The following SOS2 variants were observed in gnomAD, a reference collection of about 807,000 sequenced individuals.
The protein encoded by SOS2 is SOS Ras/Rho guanine nucleotide exchange factor 2.
A neutral mutation model predicts 148.2 loss-of-function variants in SOS2; 65 were observed. The ratio of observed to expected loss-of-function variants is 0.44; its 90% CI spans 0.36 to 0.54. SOS2 has a LOEUF of 0.54. Among genes scored for constraint, SOS2 ranks in the 20% least tolerant of loss-of-function variants. The pLI, the probability that SOS2 is intolerant of heterozygous loss-of-function variation, is 0.00. For missense variants in SOS2, 1,341 were observed against 1,590.2 expected (o/e 0.84, Z 2.67); for synonymous variants, 539 against 537.1 (o/e 1.00, Z -0.05).
intron 4 of SOS2, among the ~76,000 whole-genome samples, chr14:50,190,484 T>C (rs1223930581): frequency 2.0e-5 from 3 of 152,220 alleles, no homozygotes; most frequent in African/African-American, 7.2e-5. Flanking sequence ...AAGCATCTTT[T>C]AAATCTGGTC....
intron 4 of SOS2, among the ~76,000 whole-genome samples, chr14:50,191,055 T>C (rs1175930758): frequency 1.3e-5 from 2 of 152,220 alleles, no homozygotes; most frequent in Admixed American, 6.5e-5. Flanking sequence ...CCCATTACTA[T>C]ATTAAAACTG....
At chr14:50,218,775 A>G (rs868541483) in intron 1 of SOS2, among the ~76,000 whole-genome samples, 1 of 152,192 alleles carries the variant, frequency 6.6e-6, no homozygotes, top group Non-Finnish European at 1.5e-5. Context: ...GCTGGTGGGA[A>G]TGTAAAACTA....
In SOS2 at chr14:50,150,243, C is replaced by A. The variant is rs566609381; in HGVS notation, c.2162-13G>T. Reference sequence around the variant, plus strand: ...TTCATAGCTTTCCCTGGAAAAAGAACACATAAAGAAAAATGTCTTTTACTT... The same window carrying A: ...TTCATAGCTTTCCCTGGAAAAAGAAAACATAAAGAAAAATGTCTTTTACTT... On this transcript the variant is annotated splice_polypyrimidine_tract_variant and intron_variant, in intron 13 of 22. Transcript: ENST00000216373. 6.6e-7 allele frequency: 1 copy of A among 1,513,170 alleles called. No individual in the cohort carries two copies. The highest frequency in any genetic ancestry group is 9.2e-7 in the Non-Finnish European group (1 of 1,089,328). The allele number at this position is 1,513,170 out of a possible 1,614,324, so 93.7% of individuals were successfully genotyped here.
At chr14:50,182,378 C>T in intron 6 of SOS2, 85 bp downstream of exon 6, 1 of 1,205,418 alleles carries the variant, frequency 8.3e-7, no homozygotes. Context: ...AACGGGGTCT[C>T]ACTATGTTGC....
At chr14:50,142,291 A>G (rs1594967678) in intron 16 of SOS2, among the ~76,000 whole-genome samples, 1 of 152,294 alleles carries the variant, frequency 6.6e-6, no homozygotes, top group East Asian at 1.9e-4. Context: ...TACAGGCATG[A>G]GCCACTGCCC....
intron 21 of SOS2, among the ~76,000 whole-genome samples, chr14:50,125,381 G>C (rs969661571): frequency 1.3e-5 from 2 of 152,214 alleles, no homozygotes; most frequent in Non-Finnish European, 2.9e-5. Context: ...CTGGCCTTCA[G>C]AACTGTGGGA....
chr14:50,145,640 G>A, intron 14 of SOS2, 44 bp from the exon 15 acceptor site: 1 of 1,277,518 alleles, frequency 7.8e-7, no homozygotes, highest in Non-Finnish European at 1.1e-6. Flanking sequence ...TAAAGGATTT[G>A]TATTACTTAA....
chr14:50,147,111 T>C (rs1884508604), intron 14 of SOS2, among the ~76,000 whole-genome samples: 1 of 151,440 alleles, frequency 6.6e-6, no homozygotes, highest in African/African-American at 2.4e-5. Flanking sequence ...GTGGGAAGAC[T>C]GCTTGAGCCT....
intron 1 of SOS2, among the ~76,000 whole-genome samples, chr14:50,218,296 G>A (rs1184288892): frequency 4.0e-5 from 6 of 150,142 alleles, no homozygotes; most frequent in Non-Finnish European, 8.9e-5. Flanking sequence ...GCCAAGGTGG[G>A]TGGATTCCTT....
chr14:50,186,817 A>G (rs1024578789), intron 5 of SOS2, among the ~76,000 whole-genome samples: 4 of 152,194 alleles, frequency 2.6e-5, no homozygotes, highest in African/African-American at 9.7e-5. Context: ...TATATCCAAA[A>G]GAAAAAAAGT....
Position 50,145,569 on chromosome 14 carries a change from C to T in SOS2, c.2412G>A (p.Gly804=), listed in dbSNP as rs1390959140. Residue 804 remains glycine (G), a synonymous_variant, in exon 15 of 23, where the codon GGG becomes GGA. Coordinates refer to ENST00000216373, the MANE Select transcript of SOS2 (RefSeq NM_006939.4). The stretch of plus-strand genomic sequence containing the variant: ...CTTTATCTTCTTTGGTCCACACACT[C>T]CCTACAAGTTCAGACGGTTGAACTT... ...YRKVQPSELV[G]SVWTKEDKEI... 6.2e-7 allele frequency: 1 copy of T among 1,607,364 alleles called. No homozygotes were observed. Among genetic ancestry groups the T allele is most frequent in the East Asian group, 2.2e-5 (1 of 44,788 alleles).
At chr14:50,215,360 T>C (rs1887014150) in intron 1 of SOS2, 4 of 1,265,878 alleles carry the variant, frequency 3.2e-6, no homozygotes, top group Non-Finnish European at 4.1e-6. Context: ...AAACACACAA[T>C]GTTAAAATCT....
chr14:50,230,139 T>A (rs1211745861), intron 1 of SOS2, among the ~76,000 whole-genome samples: 1 of 152,234 alleles, frequency 6.6e-6, no homozygotes, highest in African/African-American at 2.4e-5. Context: ...TCTCATCGCA[T>A]GAGGAAAATG....
rs535296653 is a variant in SOS2 at position 50,224,457 on chromosome 14, G to C, written c.87+6740C>G. Among the ~76,000 whole-genome samples the C allele has an allele frequency of 1.9e-4, 29 of 151,636 alleles. No individual in the cohort carries two copies. In the South Asian group the frequency reaches 5.8e-3, roughly 30 times the overall value. On this transcript the variant is annotated intron_variant, in intron 1 of 22. Transcript: ENST00000216373. The stretch of plus-strand genomic sequence containing the variant: ...GAAGGGAAACTAGAAGGAATATTCA[G>C]AGAAAAAAAATCCCTGAAAGCTTGA...
intron 1 of SOS2, among the ~76,000 whole-genome samples, chr14:50,224,314 T>TATATATACAC (rs1281779995): frequency 8.9e-5 from 9 of 101,034 alleles, no homozygotes; most frequent in African/African-American, 3.5e-4. Flanking sequence ...AATATATATA[T>TATATATACAC]ACACACACAC....
chr14:50,181,207 G>C (rs1339684799), intron 6 of SOS2, among the ~76,000 whole-genome samples: 1 of 152,106 alleles, frequency 6.6e-6, no homozygotes, highest in Non-Finnish European at 1.5e-5. Flanking sequence ...CCAGCACTTT[G>C]GGAGGCCGAG....
At chr14:50,141,317 C>T (rs1229130274) in intron 16 of SOS2, among the ~76,000 whole-genome samples, 10 of 150,592 alleles carry the variant, frequency 6.6e-5, no homozygotes, top group South Asian at 6.3e-4. Context: ...GCCAGGAGTT[C>T]GAAACCAGTC....
At chr14:50,182,748 C>G (rs1566841682) in intron 5 of SOS2, 142 bp from the exon 6 acceptor site, 1 of 624,960 alleles carries the variant, frequency 1.6e-6, no homozygotes, top group African/African-American at 1.8e-5. Flanking sequence ...ACTTTTGCTG[C>G]TGCTGTACGC....
chr14:50,185,021 T>C (rs1885862548), intron 5 of SOS2, among the ~76,000 whole-genome samples: 1 of 152,206 alleles, frequency 6.6e-6, no homozygotes, highest in African/African-American at 2.4e-5. Flanking sequence ...CCCTATACTT[T>C]GCCCTGTCCA....
Sources: gnomAD v4.1 joint callset for allele counts (sites outside exome capture counted in the v4.1 genomes callset) on GRCh38, gnomAD v4.1.1 for gene constraint, MANE v1.5 for transcripts, NCBI Gene and HGNC (gene_info 2026-07-23, HGNC 2026-07-21) for gene names.